The following TGFBR3 variants were observed in gnomAD, a reference collection of about 807,000 sequenced individuals.
TGFBR3 encodes the protein transforming growth factor beta receptor 3.
In TGFBR3, 46 loss-of-function variants were observed where a neutral mutation model predicts 87.9. That is an observed-to-expected ratio of 0.52 (90% CI 0.41 to 0.67). TGFBR3 has a LOEUF of 0.67. TGFBR3 is among the 30% of genes least tolerant of loss of function. The probability of loss-of-function intolerance (pLI) is 0.00; values close to 1 mark genes in which losing one functional copy is unlikely to be tolerated. For synonymous variants in TGFBR3, 381 were observed against 391.6 expected (o/e 0.97, Z 0.32); for missense variants, 866 against 1,041.9 (o/e 0.83, Z 2.32).
At chr1:91,865,204 A>ATCTC (rs1491012343) in intron 1 of TGFBR3, among the ~76,000 whole-genome samples, 1 of 1,308 alleles carries the variant, frequency 7.6e-4, no homozygotes, top group South Asian at 0.062. Context: ...CTCCATCTCA[A>ATCTC]AAAAAAAAAA....
intron 2 of TGFBR3, among the ~76,000 whole-genome samples, chr1:91,892,772 T>C (rs780213187): frequency 6.6e-6 from 1 of 152,212 alleles, no homozygotes; most frequent in Non-Finnish European, 1.5e-5. Context: ...ATTCCCGAGA[T>C]TTCAGAGTTT....
At chr1:91,730,699 C>T (rs1024206864) in intron 5 of TGFBR3, among the ~76,000 whole-genome samples, 1 of 152,188 alleles carries the variant, frequency 6.6e-6, no homozygotes, top group African/African-American at 2.4e-5. Context: ...TCCTCCGACA[C>T]CCCATGTAGA....
At chr1:91,716,532 T>C (rs563789791) in intron 11 of TGFBR3, 36 bp downstream of exon 11, 14 of 1,614,070 alleles carry the variant, frequency 8.7e-6, no homozygotes, top group East Asian at 2.2e-5. Context: ...ATAGACAGCA[T>C]TTTCCACAAA....
chr1:91,824,078 C>T (rs1335368410), intron 2 of TGFBR3, among the ~76,000 whole-genome samples: 1 of 151,944 alleles, frequency 6.6e-6, no homozygotes, highest in Non-Finnish European at 1.5e-5. Context: ...TGCAGTGAGC[C>T]GAGACTGTAC....
intron 1 of TGFBR3, among the ~76,000 whole-genome samples, chr1:91,884,505 G>C (rs532397544): frequency 2.3e-4 from 35 of 152,280 alleles, no homozygotes; most frequent in Admixed American, 2.2e-3. Context: ...AAAGCTGAAA[G>C]ATGGGAGAAG....
At chr1:91,741,634 C>T (rs74099452) in intron 4 of TGFBR3, among the ~76,000 whole-genome samples, 214 of 152,236 alleles carry the variant, frequency 1.4e-3, no homozygotes, top group African/African-American at 5.1e-3. Context: ...ATCCAGGAGC[C>T]CCAGCCACCA....
intron 1 of TGFBR3, among the ~76,000 whole-genome samples, chr1:91,869,809 C>T (rs1440443164): frequency 6.6e-6 from 1 of 152,210 alleles, no homozygotes; most frequent in Non-Finnish European, 1.5e-5. Flanking sequence ...CCAGCTCAGA[C>T]CTTCTGCATC....
Position 91,878,584 on chromosome 1 carries a change from A to G in TGFBR3, c.-114+7294T>C, listed in dbSNP as rs183317410. Among the ~76,000 whole-genome samples the G allele has an allele frequency of 2.8e-3, 419 of 152,336 alleles. 1 individual carries two copies. Among genetic ancestry groups the G allele is most frequent in the Middle Eastern group, 6.8e-3 (2 of 294 alleles). On this transcript the variant is annotated intron_variant, in intron 1 of 16. Coordinates refer to ENST00000212355, the MANE Select transcript of TGFBR3 (RefSeq NM_003243.5). ...TGGCCCATTTGATGTTCTCACCTATAAAAGGTAGTGAGTCATGCTTGTGAA... is the reference window on the plus strand; with the variant it reads ...TGGCCCATTTGATGTTCTCACCTATGAAAGGTAGTGAGTCATGCTTGTGAA...
intron 4 of TGFBR3, among the ~76,000 whole-genome samples, chr1:91,750,986 C>G (rs1208894222): frequency 6.6e-6 from 1 of 152,206 alleles, no homozygotes; most frequent in Non-Finnish European, 1.5e-5. Context: ...ATTTTTCAAT[C>G]AGCTCTCCCA....
intron 3 of TGFBR3, among the ~76,000 whole-genome samples, chr1:91,766,198 C>CTTTTTTT (rs749978314): frequency 3.1e-4 from 35 of 114,428 alleles, no homozygotes; most frequent in African/African-American, 4.1e-4. Flanking sequence ...AGTTTGTTTT[C>CTTTTTTT]TTTTTTTTTT....
intron 2 of TGFBR3, among the ~76,000 whole-genome samples, chr1:91,806,071 A>G (rs937478003): frequency 3.9e-5 from 6 of 152,232 alleles, no homozygotes; most frequent in Admixed American, 2.6e-4. Flanking sequence ...GTTCACACGT[A>G]TCACCTTTGG....
intron 3 of TGFBR3, among the ~76,000 whole-genome samples, chr1:91,787,943 G>GGAAAAAAAAAAAAA (rs945269870): frequency 3.0e-5 from 4 of 133,314 alleles, no homozygotes; most frequent in African/African-American, 1.2e-4. Context: ...GTCTCACGGG[G>GGAAAAAAAAAAAAA]AAAAAAAAAA....
chr1:91,809,581 T>C (rs1393757280), intron 2 of TGFBR3, among the ~76,000 whole-genome samples: 1 of 152,208 alleles, frequency 6.6e-6, no homozygotes, highest in Admixed American at 6.5e-5. Flanking sequence ...GGTTTGGCTG[T>C]GCAAAATATT....
intron 3 of TGFBR3, among the ~76,000 whole-genome samples, chr1:91,785,812 G>GACT (rs1220986881): frequency 5.3e-5 from 8 of 150,782 alleles, no homozygotes; most frequent in African/African-American, 2.0e-4. Flanking sequence ...CTGTCTCCCA[G>GACT]GTTGGAGTGC....
In TGFBR3 at chr1:91,735,005, G is replaced by C. The variant is rs200914669; in HGVS notation, c.385-46C>G. On this transcript the variant is annotated intron_variant, in intron 4 of 16. Transcript: ENST00000212355. ...TATTTAACATGGTGCAGTCACCGGA[G>C]CTGAATCATAATTAGAGAAAGTACT... 362 of 1,602,486 alleles carry C rather than the reference G, an allele frequency of 2.3e-4. No individual in the cohort carries two copies. In the African/African-American group the frequency reaches 4.4e-3, roughly 19 times the overall value.
rs1302027157 is a variant in TGFBR3, at chr1:91,851,217, T to C, written c.61+10254A>G. 2.6e-5 allele frequency among the ~76,000 whole-genome samples: 4 copies of C among 152,320 alleles called. No individual in the cohort carries two copies. The East Asian group carries it at 7.7e-4, about 29-fold the overall frequency. On this transcript the variant is annotated intron_variant, in intron 2 of 16. Coordinates refer to ENST00000212355, the MANE Select transcript of TGFBR3 (RefSeq NM_003243.5). ...TTCAGTCCCCAGAGCACCTGCTGCC[T>C]ACTCCTTGGAAGGAACGTTCCAAGA...
chr1:91,814,733 A>G (rs1676155743), intron 2 of TGFBR3, among the ~76,000 whole-genome samples: 1 of 152,232 alleles, frequency 6.6e-6, no homozygotes, highest in African/African-American at 2.4e-5. Context: ...ATTAAAGACA[A>G]TAAGTGAGGA....
At chr1:91,687,482 T>G (rs767515892) in intron 16 of TGFBR3, among the ~76,000 whole-genome samples, 2 of 152,248 alleles carry the variant, frequency 1.3e-5, no homozygotes, top group African/African-American at 2.4e-5. Context: ...GTATTCTTAT[T>G]TCTAAGTCTT....
intron 16 of TGFBR3, among the ~76,000 whole-genome samples, chr1:91,684,539 GCA>G (rs1671025844): frequency 6.6e-6 from 1 of 152,216 alleles, no homozygotes; most frequent in African/African-American, 2.4e-5. Context: ...CCTGTGGGGT[GCA>G]GTGTGAGTAT....
Sources: allele counts gnomAD v4.1 joint callset (sites outside exome capture counted in the v4.1 genomes callset), GRCh38; gene constraint gnomAD v4.1.1; transcripts MANE v1.5; gene names NCBI Gene and HGNC (gene_info 2026-07-23, HGNC 2026-07-21).